DTNB: variants seen among roughly 807,000 people sequenced by gnomAD.
The protein encoded by DTNB is DTN-B.
A neutral mutation model predicts 90.7 loss-of-function variants in DTNB; 63 were observed. The ratio of observed to expected loss-of-function variants is 0.69; its 90% CI spans 0.57 to 0.86. The LOEUF (loss-of-function observed/expected upper bound fraction) is 0.86. Among genes scored for constraint, DTNB ranks in the 40% least tolerant of loss-of-function variants. DTNB has a pLI of 0.00. For synonymous variants in DTNB, 277 were observed against 286.7 expected (o/e 0.97, Z 0.34); for missense variants, 744 against 807.1 (o/e 0.92, Z 0.95).
chr2:25,584,917 T>A (rs1190844232), intron 6 of DTNB, among the ~76,000 whole-genome samples: 2 of 152,176 alleles, frequency 1.3e-5, no homozygotes, highest in African/African-American at 4.8e-5. Flanking sequence ...TAAAAGCTCT[T>A]TGGGGTCCTC....
intron 12 of DTNB, among the ~76,000 whole-genome samples, chr2:25,451,065 C>T (rs1260598620): frequency 6.6e-6 from 1 of 152,194 alleles, no homozygotes; most frequent in Non-Finnish European, 1.5e-5. Context: ...CTCAGCCTCC[C>T]AAGGTGCTGG....
chr2:25,513,534 A>G (rs1015852108), intron 9 of DTNB, among the ~76,000 whole-genome samples: 2 of 152,098 alleles, frequency 1.3e-5, no homozygotes, highest in Admixed American at 1.3e-4. Context: ...CTAGCCGGCC[A>G]ACATGGTGAA....
At chr2:25,396,546 T>C (rs1313402524) in intron 16 of DTNB, among the ~76,000 whole-genome samples, 1 of 151,220 alleles carries the variant, frequency 6.6e-6, no homozygotes, top group Non-Finnish European at 1.5e-5. Context: ...CACTGGACTT[T>C]TGGGACTTGA....
At chr2:25,618,730 C>A (rs1380865449) in intron 4 of DTNB, among the ~76,000 whole-genome samples, 1 of 152,064 alleles carries the variant, frequency 6.6e-6, no homozygotes, top group Non-Finnish European at 1.5e-5. Flanking sequence ...TGATTTTAAC[C>A]CCACTCAAAT....
intron 1 of DTNB, among the ~76,000 whole-genome samples, chr2:25,668,406 T>G (rs2085013369): frequency 6.6e-6 from 1 of 152,230 alleles, no homozygotes; most frequent in Non-Finnish European, 1.5e-5. Flanking sequence ...ACTATAGCCA[T>G]GTAATGACAT....
chr2:25,462,161 G>A (rs184848210), intron 10 of DTNB, among the ~76,000 whole-genome samples: 121 of 152,314 alleles, frequency 7.9e-4, no homozygotes, highest in African/African-American at 2.9e-3. Flanking sequence ...CAAGTTTGCA[G>A]GTGCGCTAGC....
chr2:25,433,716 T>C (rs2054724514), intron 13 of DTNB, among the ~76,000 whole-genome samples, 194 bp downstream of exon 13: 1 of 152,102 alleles, frequency 6.6e-6, no homozygotes, highest in Non-Finnish European at 1.5e-5. Flanking sequence ...AGCTGTGGAC[T>C]ACCAGAATCA....
At chr2:25,538,530 C>T (rs1445326437) in intron 8 of DTNB, among the ~76,000 whole-genome samples, 1 of 152,192 alleles carries the variant, frequency 6.6e-6, no homozygotes, top group Non-Finnish European at 1.5e-5. Flanking sequence ...CGGCTCACTG[C>T]ATCCTCTGCC....
chr2:25,632,605 A>G (rs941643037), intron 3 of DTNB, among the ~76,000 whole-genome samples: 2 of 152,122 alleles, frequency 1.3e-5, no homozygotes, highest in Admixed American at 1.3e-4. Context: ...AGGAAGAGAG[A>G]CCTGCACTAG....
intron 9 of DTNB, among the ~76,000 whole-genome samples, chr2:25,484,588 G>C (rs2065748799): frequency 6.6e-6 from 1 of 151,780 alleles, no homozygotes; most frequent in African/African-American, 2.4e-5. Context: ...TTCTGTATAG[G>C]GATTTTTAAA....
At chr2:25,668,416 T>A (rs1315576937) in intron 1 of DTNB, among the ~76,000 whole-genome samples, 2 of 152,204 alleles carry the variant, frequency 1.3e-5, no homozygotes, top group Non-Finnish European at 2.9e-5. Context: ...TGTAATGACA[T>A]TTATTCTGTC....
At chr2:25,418,083 G>A (rs1321947177) in intron 16 of DTNB, among the ~76,000 whole-genome samples, 3 of 152,132 alleles carry the variant, frequency 2.0e-5, no homozygotes, top group East Asian at 1.9e-4. Context: ...ATGCAGAAAC[G>A]CCAGAGATGG....
At chr2:25,491,197 A>G in intron 9 of DTNB, among the ~76,000 whole-genome samples, 1 of 151,696 alleles carries the variant, frequency 6.6e-6, no homozygotes. Context: ...AGGAAGAGGC[A>G]GGGGGAGGGA....
chr2:25,531,679 AAG>A lies in DTNB; in HGVS notation c.877-84_877-83del, dbSNP rs1024697961. The A allele has an allele frequency of 2.6e-6, 4 of 1,511,186 alleles. No homozygotes were observed. The African/African-American group carries it at 5.6e-5, about 21-fold the overall frequency. The allele number at this position is 1,511,186 out of a possible 1,614,324, so 93.6% of individuals were successfully genotyped here. On this transcript the variant is annotated intron_variant, in intron 8 of 20. Transcript: ENST00000406818. ...TCAAAAAAGAAAAAAACTTTGTGAC[AAG>A]AGTGTAAAAACATCTTTTCAAATAC...
At chr2:25,540,982 T>C (rs1346311032) in intron 8 of DTNB, among the ~76,000 whole-genome samples, 9 of 148,594 alleles carry the variant, frequency 6.1e-5, no homozygotes, top group Non-Finnish European at 1.3e-4. Context: ...TCCACTATTG[T>C]CCTATGACCC....
intron 10 of DTNB, among the ~76,000 whole-genome samples, chr2:25,459,769 C>T (rs1003045961): frequency 3.3e-5 from 5 of 152,072 alleles, no homozygotes; most frequent in Non-Finnish European, 7.4e-5. Flanking sequence ...GCTGGGATTA[C>T]AGGTGTGAAT....
rs769869992 is a variant in DTNB, at chr2:25,556,611, CAAAT to C, written c.876+20223_876+20226del. 6.6e-5 allele frequency among the ~76,000 whole-genome samples: 10 copies of C among 152,098 alleles called. No individual in the cohort carries two copies. In the South Asian group the frequency reaches 1.2e-3, roughly 19 times the overall value. ...CTTACAATCTAATGAAATATATAGA[CAAAT>C]AAGCAGATTCTATGAAGATGATTAT... On this transcript the variant is annotated intron_variant, in intron 8 of 20. Transcript: ENST00000406818.
chr2:25,648,828 A>C (rs2080110091), intron 2 of DTNB, among the ~76,000 whole-genome samples: 1 of 152,192 alleles, frequency 6.6e-6, no homozygotes. Flanking sequence ...TAAGAAAATA[A>C]TGATAATGAT....
At chr2:25,499,711 T>C (rs927425505) in intron 9 of DTNB, among the ~76,000 whole-genome samples, 26 of 152,222 alleles carry the variant, frequency 1.7e-4, no homozygotes, top group African/African-American at 6.3e-4. Context: ...GTTGGTTGGT[T>C]TCACTTATGA....
Sources: gnomAD v4.1 joint callset for allele counts (sites outside exome capture counted in the v4.1 genomes callset) on GRCh38, gnomAD v4.1.1 for gene constraint, MANE v1.5 for transcripts, NCBI Gene and HGNC (gene_info 2026-07-23, HGNC 2026-07-21) for gene names.